Variants in SNAP47 observed in about 807,000 individuals in gnomAD.
The protein encoded by SNAP47 is synaptosomal-associated protein 47.
In SNAP47, 20 loss-of-function variants were observed where a neutral mutation model predicts 31.4. The ratio of observed to expected loss-of-function variants is 0.64; its 90% CI spans 0.45 to 0.93. The LOEUF (loss-of-function observed/expected upper bound fraction) is 0.93. Among genes scored for constraint, SNAP47 ranks in the 40% least tolerant of loss-of-function variants. SNAP47 has a pLI of 0.00. For synonymous variants in SNAP47, 194 were observed against 213.4 expected, an observed-to-expected ratio of 0.91 and a Z score of 0.79; for missense variants, 492 against 528.5, an observed-to-expected ratio of 0.93 and a Z score of 0.68.
chr1:227,759,661 G>C, intron 3 of SNAP47, 176 bp downstream of exon 3: 1 of 748,122 alleles, frequency 1.3e-6, no homozygotes. Context: ...CATTTTCCTT[G>C]TACTTGACAT....
intron 1 of SNAP47, chr1:227,746,220 T>TGAGTGCCATGCCCC (rs1421207770): frequency 6.6e-6 from 1 of 152,262 alleles, no homozygotes; most frequent in Non-Finnish European, 1.5e-5. Context: ...CTCCATGTGC[T>TGAGTGCCATGCCCC]GAGTGCCATG....
intron 2 of SNAP47, among the ~76,000 whole-genome samples, chr1:227,754,676 C>T (rs141540241): frequency 0.038 from 5,786 of 152,204 alleles, 144 homozygotes; most frequent in Non-Finnish European, 0.058. Flanking sequence ...GGTCACCTCA[C>T]GGCACTGTGA....
chr1:227,741,056 T>TG lies in SNAP47; in HGVS notation c.-46+5562dup, dbSNP rs745565856. Among the ~76,000 whole-genome samples the TG allele has an allele frequency of 2.1e-4, 32 of 150,088 alleles. No homozygotes were observed. The highest frequency in any genetic ancestry group is 1.9e-4 in the Non-Finnish European group (13 of 67,686). On this transcript the variant is annotated intron_variant, in intron 1 of 4. Transcript: ENST00000617596. This position sits in a 1 kb window ranked among gnomAD's most constrained non-coding sequence, Gnocchi z 4.2. ...GTGAAGTTGGGTTGCCCGTTAGGGA[T>TG]GGGGGCAGATACCCAGCAGGTGATA... is the stretch of plus-strand genomic sequence containing the variant.
upstream of SNAP47, chr1:227,733,668 C>G (rs1190805142): frequency 1.2e-6 from 2 of 1,600,936 alleles, no homozygotes; most frequent in Non-Finnish European, 1.7e-6. Context: ...AAGATGTCAG[C>G]ATGGAACGGG....
At chr1:227,729,043 C>T (rs1338338159) in intron 1 of SNAP47, among the ~76,000 whole-genome samples, 2 of 152,186 alleles carry the variant, frequency 1.3e-5, no homozygotes, top group Non-Finnish European at 2.9e-5. Flanking sequence ...GCGTGGGGCC[C>T]CAGGTGGGGT....
In SNAP47 at chr1:227,759,074, A is replaced by G. The variant is rs753701182; in HGVS notation, c.577A>G (p.Arg193Gly). Residue 193 changes from arginine (R) to glycine (G), a missense_variant, in exon 3 of 5, where the codon AGG becomes GGG. By Grantham distance (125) the Arg-to-Gly change is moderately radical (BLOSUM62 -2). Coordinates refer to ENST00000617596, the MANE Select transcript of SNAP47 (RefSeq NM_053052.4). ...GAAGACACCACCGGAAACAAAGCCCAGGGAAGATGTCTCCATGACCAGTTG... is the reference window on the plus strand; with the variant it reads ...GAAGACACCACCGGAAACAAAGCCCGGGGAAGATGTCTCCATGACCAGTTG... Reference protein sequence around the residue: ...LWKTPPETKPREDVSMTSCEP... With the variant: ...LWKTPPETKPGEDVSMTSCEP... 2 of 1,614,200 alleles carry G rather than the reference A, an allele frequency of 1.2e-6. No individual in the cohort carries two copies. Among genetic ancestry groups the G allele is most frequent in the Non-Finnish European group, 1.7e-6 (2 of 1,180,032 alleles).
At chr1:227,729,847 C>T (rs1415931411) in intron 1 of SNAP47, among the ~76,000 whole-genome samples, 2 of 152,140 alleles carry the variant, frequency 1.3e-5, no homozygotes, top group African/African-American at 4.8e-5. Flanking sequence ...CCATCATGTT[C>T]CCTCACTCTG....
chr1:227,757,248 A>G (rs191205267), intron 2 of SNAP47, among the ~76,000 whole-genome samples: 14 of 152,328 alleles, frequency 9.2e-5, no homozygotes, highest in Non-Finnish European at 1.8e-4. Flanking sequence ...TAGGGCTAGG[A>G]GTCATCACTG....
chr1:227,743,430 GGCCTCCCATGGGCTCCA>G (rs1365627399), intron 1 of SNAP47, among the ~76,000 whole-genome samples: 1 of 152,162 alleles, frequency 6.6e-6, no homozygotes, highest in Non-Finnish European at 1.5e-5. Context: ...CGTGGGCTCC[GGCCTCCCATGGGCTCCA>G]GCCTCCCTGA....
chr1:227,748,081 A>G lies in SNAP47; in HGVS notation c.345A>G (p.Pro115=). ...QPGAVADASV[P]RTRGEELTGL... ...GAGCCGTGGCAGACGCATCTGTCCC[A>G]AGGACCCGGGGCGAGGAGCTGACGG... is the stretch of plus-strand genomic sequence containing the variant. Residue 115 remains proline (P), a synonymous_variant, in exon 2 of 5, where the codon CCA becomes CCG. Coordinates refer to ENST00000617596, the MANE Select transcript of SNAP47 (RefSeq NM_053052.4). 6.2e-7 allele frequency: 1 copy of G among 1,614,128 alleles called. No individual in the cohort carries two copies. Among genetic ancestry groups the G allele is most frequent in the South Asian group, 1.1e-5 (1 of 91,070 alleles).
Position 227,759,430 on chromosome 1 carries a change from C to G in SNAP47, c.933C>G (p.Leu311=). The change falls in exon 3 of 5, where the codon CTC becomes CTG. Residue 311 remains leucine, a synonymous_variant. Transcript: ENST00000617596. The part of the protein sequence containing the change: ...KMELLEDALV[L]RSARTSSPAE... ...AGCTGTTAGAAGATGCATTGGTGCT[C>G]AGAAGCGCAAGAACCTCTTCCCCCG... The G allele has an allele frequency of 5.0e-6, 8 of 1,614,208 alleles. No homozygotes were observed. Among genetic ancestry groups the G allele is most frequent in the Non-Finnish European group, 6.8e-6 (8 of 1,180,046 alleles).
Position 227,776,641 on chromosome 1 carries a change from G to A in SNAP47, c.1114-3886G>A, listed in dbSNP as rs947410572. 2.1e-5 allele frequency: 21 copies of A among 985,462 alleles called. 1 individual carries two copies. The African/African-American group carries it at 3.0e-4, about 14-fold the overall frequency. 61.0% of individuals were successfully genotyped at this position (985,462 alleles called of 1,614,324 possible). On this transcript the variant is annotated intron_variant, in intron 4 of 4. Coordinates refer to ENST00000617596, the MANE Select transcript of SNAP47 (RefSeq NM_053052.4). ...TCTTTCCATCCCTGTTATGTGGAAT[G>A]CACACGATGCCATGTAATTACTTCA... is the stretch of plus-strand genomic sequence containing the variant.
intron 4 of SNAP47, chr1:227,770,787 G>T (rs1485749926): frequency 1.3e-5 from 2 of 152,758 alleles, no homozygotes; most frequent in Admixed American, 6.5e-5. Context: ...CTTAATCAGT[G>T]TATGACCGCC....
chr1:227,767,386 G>C (rs775841452), intron 4 of SNAP47, among the ~76,000 whole-genome samples: 3 of 152,220 alleles, frequency 2.0e-5, no homozygotes, highest in Non-Finnish European at 4.4e-5. Context: ...GTGTGCACAG[G>C]TGTGTATGTT....
intron 2 of SNAP47, among the ~76,000 whole-genome samples, chr1:227,748,849 A>G (rs569623351): frequency 2.8e-4 from 42 of 152,226 alleles, no homozygotes; most frequent in Non-Finnish European, 4.8e-4. Context: ...GTTTCTTAGT[A>G]TGAAAATCCT....
intron 4 of SNAP47, chr1:227,776,071 C>T (rs1046713061): frequency 1.7e-6 from 2 of 1,185,996 alleles, no homozygotes; most frequent in Non-Finnish European, 2.1e-6. Context: ...TTTCTTTGTT[C>T]AGGTTGTGCC....
At chr1:227,778,090 C>T (rs1664263770) in intron 4 of SNAP47, among the ~76,000 whole-genome samples, 1 of 152,218 alleles carries the variant, frequency 6.6e-6, no homozygotes, top group African/African-American at 2.4e-5. Context: ...GAGTTATTCG[C>T]AAGAGTGTAT....
Position 227,748,220 on chromosome 1 carries a change from G to A in SNAP47, c.484G>A (p.Glu162Lys). Residue 162 changes from glutamate (E) to lysine (K), a missense_variant, in exon 2 of 5, where the codon GAG becomes AAG. By Grantham distance (56) the Glu-to-Lys change is moderately conservative (BLOSUM62 1). Coordinates refer to ENST00000617596, the MANE Select transcript of SNAP47 (RefSeq NM_053052.4). ...RGLDKMESDLEVADRLLTELE... is the reference protein window; with the variant it reads ...RGLDKMESDLKVADRLLTELE... ...CCTGGACAAGATGGAGTCAGACCTG[G>A]AGGTGGCGGACAGGTGGGCTTGCTG... is the stretch of plus-strand genomic sequence containing the variant. 1 of 1,585,574 alleles carries A rather than the reference G, an allele frequency of 6.3e-7. No individual in the cohort carries two copies. The highest frequency in any genetic ancestry group is 2.2e-5 in the East Asian group (1 of 44,528).
chr1:227,738,187 G>A (rs984474650), intron 1 of SNAP47, among the ~76,000 whole-genome samples: 3 of 151,938 alleles, frequency 2.0e-5, no homozygotes, highest in East Asian at 1.9e-4. Context: ...GATTACAGGC[G>A]CGCACCACCA....
Sources: gnomAD v4.1 joint callset for allele counts (sites outside exome capture counted in the v4.1 genomes callset) on GRCh38, gnomAD v4.1.1 for gene constraint, Gnocchi (gnomAD v3.1) non-coding constraint, MANE v1.5 for transcripts, NCBI Gene and HGNC (gene_info 2026-07-23, HGNC 2026-07-21) for gene names.